PTPRN2: variants seen among roughly 807,000 people sequenced by gnomAD.
The protein encoded by PTPRN2 is receptor-type tyrosine-protein phosphatase N2.
A neutral mutation model predicts 118.8 loss-of-function variants in PTPRN2; 74 were observed. The ratio of observed to expected loss-of-function variants is 0.62; its 90% CI spans 0.52 to 0.76. The LOEUF is 0.76. Among genes scored for constraint, PTPRN2 ranks in the 30% least tolerant of loss-of-function variants. The pLI is 0.00. For synonymous variants in PTPRN2, 641 were observed against 608.0 expected (o/e 1.05, Z -0.80); for missense variants, 1,481 against 1,394.4 (o/e 1.06, Z -0.99).
At chr7:158,282,434 A>G (rs892451266) in intron 3 of PTPRN2, among the ~76,000 whole-genome samples, 3 of 152,144 alleles carry the variant, frequency 2.0e-5, no homozygotes, top group Non-Finnish European at 2.9e-5. Context: ...GTGTGGGTCT[A>G]GGAGACGCAG....
At chr7:158,102,755 AGTGTGCACTTGCACACT>A (rs1815337254) in intron 10 of PTPRN2, among the ~76,000 whole-genome samples, 1 of 149,496 alleles carries the variant, frequency 6.7e-6, no homozygotes, top group African/African-American at 2.6e-5. Flanking sequence ...TTAAGATGCA[AGTGTGCACTTGCACACT>A]TCTCTGCAGT....
intron 2 of PTPRN2, among the ~76,000 whole-genome samples, chr7:158,357,105 C>T (rs1179568500): frequency 6.6e-6 from 1 of 152,198 alleles, no homozygotes; most frequent in East Asian, 1.9e-4. Flanking sequence ...GTGCAAACAA[C>T]CAGAAAATAG....
chr7:157,765,281 A>C (rs1271303028), intron 12 of PTPRN2, among the ~76,000 whole-genome samples: 2 of 132,106 alleles, frequency 1.5e-5, no homozygotes, highest in African/African-American at 2.9e-5. Context: ...TCCTCCATTC[A>C]TCCACCCATC....
At chr7:158,124,444 C>T (rs1817446993) in intron 9 of PTPRN2, among the ~76,000 whole-genome samples, 1 of 152,242 alleles carries the variant, frequency 6.6e-6, no homozygotes, top group Non-Finnish European at 1.5e-5. Flanking sequence ...GGAAATTCTC[C>T]AATGGGCAGA....
intron 3 of PTPRN2, among the ~76,000 whole-genome samples, chr7:158,286,321 T>C (rs1799767204): frequency 6.6e-6 from 1 of 152,232 alleles, no homozygotes; most frequent in African/African-American, 2.4e-5. Context: ...ACTTCTTTTG[T>C]TCCAATTTGG....
intron 3 of PTPRN2, among the ~76,000 whole-genome samples, chr7:158,208,139 C>T (rs1827303790): frequency 6.6e-6 from 1 of 151,996 alleles, no homozygotes; most frequent in Non-Finnish European, 1.5e-5. Context: ...ATGAAGCACA[C>T]CTGCATGATC....
intron 12 of PTPRN2, among the ~76,000 whole-genome samples, chr7:157,776,128 TCC>T: frequency 4.3e-5 from 6 of 138,928 alleles, no homozygotes; most frequent in African/African-American, 1.4e-4. Flanking sequence ...TTTCACCTCC[TCC>T]CTCTCCTCCT....
In PTPRN2 at chr7:157,729,404, G is replaced by A. The variant is rs139130229; in HGVS notation, c.1789-46467C>T. 1.8e-4 allele frequency among the ~76,000 whole-genome samples: 27 copies of A among 152,236 alleles called. 1 individual carries two copies. In the East Asian group the frequency reaches 5.0e-3, roughly 28 times the overall value. Reference sequence around the variant, plus strand: ...GTCCCGGACCCCCCACTCTGCTCCCGTGGACAGCTCCATCTTCAGCAGCTC... The same window carrying A: ...GTCCCGGACCCCCCACTCTGCTCCCATGGACAGCTCCATCTTCAGCAGCTC... On this transcript the variant is annotated intron_variant, in intron 12 of 22. Coordinates refer to ENST00000389418, the MANE Select transcript of PTPRN2 (RefSeq NM_002847.5). The surrounding 1 kb of genome is among the most constrained non-coding windows in gnomAD (Gnocchi z 4.3).
chr7:158,021,044 A>C (rs1329195906), intron 11 of PTPRN2, among the ~76,000 whole-genome samples: 1 of 152,162 alleles, frequency 6.6e-6, no homozygotes, highest in South Asian at 2.1e-4. Context: ...CTATACTTAA[A>C]ATTCTTAAAG....
chr7:157,800,759 T>C (rs2151095330), intron 12 of PTPRN2, among the ~76,000 whole-genome samples: 1 of 152,108 alleles, frequency 6.6e-6, no homozygotes, highest in East Asian at 1.9e-4. Flanking sequence ...GAGACCATCC[T>C]GGCCAACACG....
intron 2 of PTPRN2, among the ~76,000 whole-genome samples, chr7:158,364,283 C>G (rs1399248971): frequency 6.8e-6 from 1 of 147,162 alleles, no homozygotes; most frequent in Non-Finnish European, 1.5e-5. Context: ...CTTCACCTGC[C>G]TCTCGCCATG....
intron 11 of PTPRN2, among the ~76,000 whole-genome samples, chr7:157,955,714 G>A (rs1157371966): frequency 6.6e-6 from 1 of 152,166 alleles, no homozygotes; most frequent in Non-Finnish European, 1.5e-5. Context: ...AGGCGGCACC[G>A]CAGCTCAGCC....
At chr7:157,541,399 C>G (rs1203895484) in intron 22 of PTPRN2, among the ~76,000 whole-genome samples, 1 of 152,242 alleles carries the variant, frequency 6.6e-6, no homozygotes, top group Non-Finnish European at 1.5e-5. Context: ...GGCAGGCACA[C>G]CTGAGGGGCA....
chr7:157,824,074 G>A (rs1807018594), intron 12 of PTPRN2, among the ~76,000 whole-genome samples: 1 of 152,176 alleles, frequency 6.6e-6, no homozygotes, highest in Non-Finnish European at 1.5e-5. Context: ...CCTTCGCTCT[G>A]CCATCAGTAA....
chr7:158,169,853 T>A (rs187783689), intron 5 of PTPRN2, among the ~76,000 whole-genome samples: 2 of 150,792 alleles, frequency 1.3e-5, no homozygotes, highest in African/African-American at 2.4e-5. Flanking sequence ...CACCACGCCC[T>A]GCTAATTTTT....
At chr7:157,666,645 G>C (rs1222298499) in intron 13 of PTPRN2, among the ~76,000 whole-genome samples, 2 of 152,252 alleles carry the variant, frequency 1.3e-5, no homozygotes, top group Admixed American at 1.3e-4. Flanking sequence ...ACCCGGGGCT[G>C]TGTGCCACTG....
intron 11 of PTPRN2, among the ~76,000 whole-genome samples, chr7:157,909,923 T>C (rs1298331209): frequency 6.6e-6 from 1 of 152,226 alleles, no homozygotes; most frequent in Non-Finnish European, 1.5e-5. Flanking sequence ...CATGAGCAAA[T>C]TAACTCCCTA....
At chr7:158,185,731 G>A (rs115380396) in intron 5 of PTPRN2, among the ~76,000 whole-genome samples, 1,769 of 152,058 alleles carry the variant, frequency 0.012, 41 homozygotes, top group African/African-American at 0.04. Context: ...TGCCTTCTTC[G>A]CCCAGGCTTG....
At chr7:158,395,347 CCAGGGGCCAGGGGCGAGGGGCGAGGGG>C (rs1812303874) in intron 2 of PTPRN2, among the ~76,000 whole-genome samples, 1 of 8,034 alleles carries the variant, frequency 1.2e-4, no homozygotes. Context: ...GCGCGAGGGG[CCAGGGGCCAGGGGCGAGGGGCGAGGGG>C]GAGGCGCGAG....
Sources: gnomAD v4.1 joint callset for allele counts (sites outside exome capture counted in the v4.1 genomes callset) on GRCh38, gnomAD v4.1.1 for gene constraint, Gnocchi (gnomAD v3.1) non-coding constraint, MANE v1.5 for transcripts, NCBI Gene and HGNC (gene_info 2026-07-23, HGNC 2026-07-21) for gene names.